SBF2: variants seen among roughly 807,000 people sequenced by gnomAD.
The protein encoded by SBF2 is myotubularin-related protein 13.
Under a neutral mutation model 225.2 loss-of-function variants are expected in SBF2, and 112 were observed. The observed-to-expected ratio is 0.50, with a 90% CI of 0.43 to 0.58. The LOEUF is 0.58. Ranked by LOEUF, SBF2 falls within the 20% of genes least tolerant of loss-of-function variation. The pLI is 0.00. For synonymous variants in SBF2, 763 were observed against 773.3 expected, an observed-to-expected ratio of 0.99 and a Z score of 0.22; for missense variants, 1,996 against 2,206.2, an observed-to-expected ratio of 0.90 and a Z score of 1.91.
intron 2 of SBF2, among the ~76,000 whole-genome samples, chr11:10,172,350 C>A (rs1956232568): frequency 1.3e-5 from 2 of 151,078 alleles, no homozygotes; most frequent in Non-Finnish European, 3.0e-5. Flanking sequence ...TTGTTTGTTT[C>A]AAAAAAAAAT....
At chr11:10,202,862 T>A (rs1957617425) in intron 1 of SBF2, among the ~76,000 whole-genome samples, 1 of 152,164 alleles carries the variant, frequency 6.6e-6, no homozygotes, top group South Asian at 2.1e-4. Context: ...AAGGTCTGAA[T>A]TTACCCTCCA....
At position 10,232,412 on chromosome 11, in the gene SBF2, G is replaced by A. The variant is rs560629265; in HGVS notation, c.56-38425C>T. 3.4e-4 allele frequency among the ~76,000 whole-genome samples: 52 copies of A among 152,326 alleles called. No homozygotes were observed. The South Asian group carries it at 3.9e-3, about 12-fold the overall frequency. ...TTCTGCGTCGCTCACGCTGGGAGCT[G>A]TAGACTGGAGCTGTTCCTATTCGGC... On this transcript the variant is annotated intron_variant, in intron 1 of 39. Transcript: ENST00000256190.
At chr11:9,873,436 T>C (rs1314142296) in intron 17 of SBF2, among the ~76,000 whole-genome samples, 1 of 152,066 alleles carries the variant, frequency 6.6e-6, no homozygotes, top group African/African-American at 2.4e-5. Flanking sequence ...CTCTAGCACA[T>C]GAAAGTAAGA....
chr11:10,288,699 T>C (rs1463618606), intron 1 of SBF2, among the ~76,000 whole-genome samples: 1 of 152,052 alleles, frequency 6.6e-6, no homozygotes, highest in African/African-American at 2.4e-5. Context: ...TTTAGGCAGG[T>C]TGTCCCATCA....
intron 24 of SBF2, among the ~76,000 whole-genome samples, chr11:9,844,954 T>C (rs756090315): frequency 1.3e-5 from 2 of 152,032 alleles, no homozygotes; most frequent in Non-Finnish European, 2.9e-5. Context: ...AAAAAGATAA[T>C]GTCTTTGTTC....
At chr11:10,014,429 C>T (rs1948566692) in intron 6 of SBF2, among the ~76,000 whole-genome samples, 1 of 139,736 alleles carries the variant, frequency 7.2e-6, no homozygotes, top group African/African-American at 2.6e-5. Context: ...AACCTAATAA[C>T]ATCAACATAC....
intron 1 of SBF2, among the ~76,000 whole-genome samples, chr11:10,219,373 AG>A (rs1387988583): frequency 6.6e-6 from 1 of 152,136 alleles, no homozygotes; most frequent in Non-Finnish European, 1.5e-5. Flanking sequence ...CCAAGTCCCT[AG>A]ACTGCACACA....
chr11:9,944,307 T>A (rs180951908), intron 16 of SBF2, among the ~76,000 whole-genome samples: 133 of 152,354 alleles, frequency 8.7e-4, no homozygotes, highest in African/African-American at 3.1e-3. Context: ...TCAATGTTCA[T>A]GTTCTATTTC....
chr11:10,029,194 T>C (rs1009971770), intron 5 of SBF2, among the ~76,000 whole-genome samples: 5 of 152,184 alleles, frequency 3.3e-5, no homozygotes, highest in African/African-American at 1.2e-4. Context: ...TCTATCCTTT[T>C]AAAAGTATGG....
At chr11:9,878,293 G>C (rs1859452332) in intron 17 of SBF2, among the ~76,000 whole-genome samples, 1 of 152,084 alleles carries the variant, frequency 6.6e-6, no homozygotes, top group Non-Finnish European at 1.5e-5. Context: ...CTGGATATTA[G>C]TCCTTTGTCA....
chr11:9,801,407 T>C (rs1853483863), intron 32 of SBF2, among the ~76,000 whole-genome samples: 1 of 152,014 alleles, frequency 6.6e-6, no homozygotes, highest in African/African-American at 2.4e-5. Flanking sequence ...CTTTGTAAAA[T>C]TTAAAGGCCT....
chr11:10,237,198 T>A (rs1289926966), intron 1 of SBF2, among the ~76,000 whole-genome samples: 1 of 152,074 alleles, frequency 6.6e-6, no homozygotes, highest in Non-Finnish European at 1.5e-5. Context: ...AACACAAAAA[T>A]TAGCTGGGTG....
At position 10,029,844 on chromosome 11, in the gene SBF2, A is replaced by C; in HGVS notation, c.434T>G (p.Val145Gly). 6.2e-7 allele frequency: 1 copy of C among 1,613,860 alleles called. No homozygotes were observed. Among genetic ancestry groups the C allele is most frequent in the South Asian group, 1.1e-5 (1 of 91,080 alleles). The change falls in exon 5 of 40, where the codon GTG becomes GGG. Residue 145 changes from valine to glycine, a missense_variant. By Grantham distance (109) the Val-to-Gly change is moderately radical (BLOSUM62 -3). Coordinates refer to ENST00000256190, the MANE Select transcript of SBF2 (RefSeq NM_030962.4). ...TTCCAAGGAGACATTCAGGCTGTCC[A>C]CATACACGGTATAGATCAAACCCAG... ...ACLGLIYTVY[V>G]DSLNVSLESL...
intron 16 of SBF2, among the ~76,000 whole-genome samples, chr11:9,949,134 T>C (rs532566649): frequency 2.0e-5 from 3 of 152,252 alleles, no homozygotes; most frequent in Admixed American, 2.0e-4. Context: ...AGAAGAAAGG[T>C]AGAAAGCACA....
At chr11:10,284,031 C>A (rs1007376887) in intron 1 of SBF2, among the ~76,000 whole-genome samples, 2 of 152,134 alleles carry the variant, frequency 1.3e-5, no homozygotes, top group Non-Finnish European at 2.9e-5. Context: ...TCATTAATAG[C>A]TTTTAAAAAG....
At chr11:10,192,475 C>A (rs1398036504) in intron 2 of SBF2, among the ~76,000 whole-genome samples, 2 of 152,072 alleles carry the variant, frequency 1.3e-5, no homozygotes, top group Non-Finnish European at 2.9e-5. Flanking sequence ...TCCATGCCAA[C>A]AAGAGAATGA....
intron 16 of SBF2, chr11:9,960,943 A>C (rs1023467065): frequency 1.3e-5 from 2 of 151,402 alleles, no homozygotes; most frequent in Non-Finnish European, 2.9e-5. Context: ...GATTACAGGC[A>C]TGAGCCACTG....
At chr11:10,198,465 C>T (rs1413168572) in intron 1 of SBF2, among the ~76,000 whole-genome samples, 1 of 152,132 alleles carries the variant, frequency 6.6e-6, no homozygotes, top group African/African-American at 2.4e-5. Flanking sequence ...CATTGTTGTC[C>T]CATTTACAGA....
chr11:10,166,545 A>C (rs1186941398), intron 2 of SBF2, among the ~76,000 whole-genome samples: 1 of 152,148 alleles, frequency 6.6e-6, no homozygotes, highest in African/African-American at 2.4e-5. Context: ...ATACACAAAA[A>C]AATGTTAATC....
Sources: allele counts gnomAD v4.1 joint callset (sites outside exome capture counted in the v4.1 genomes callset), GRCh38; gene constraint gnomAD v4.1.1; transcripts MANE v1.5; gene names NCBI Gene and HGNC (gene_info 2026-07-23, HGNC 2026-07-21).